Variants in PREP observed in about 807,000 individuals in gnomAD.
PREP encodes dJ355L5.1 (prolyl endopeptidase).
In PREP, 29 loss-of-function variants were observed where a neutral mutation model predicts 87.6. That is an observed-to-expected ratio of 0.33 (90% CI 0.25 to 0.45). The LOEUF is 0.45. PREP is among the 20% of genes least tolerant of loss of function. The pLI, the probability that PREP is intolerant of heterozygous loss-of-function variation, is 1.00. For missense variants in PREP, 695 were observed against 886.5 expected (o/e 0.78, Z 2.74); for synonymous variants, 337 against 328.6 (o/e 1.03, Z -0.28).
In PREP at chr6:105,402,896, G is replaced by T; in HGVS notation, c.-5C>A. 6.6e-7 allele frequency: 1 copy of T among 1,517,900 alleles called. No individual in the cohort carries two copies. The highest frequency in any genetic ancestry group is 2.5e-5 in the East Asian group (1 of 40,540). 94.0% of individuals were successfully genotyped at this position (1,517,900 alleles called of 1,614,324 possible). On this transcript the variant is annotated 5_prime_UTR_variant, in exon 1 of 15. Coordinates refer to ENST00000652536, the MANE Select transcript of PREP (RefSeq NM_002726.5). ...GGGGTACTGAAGGGACAGCATGGCC[G>T]GGGACAGGCAGGGGGCAGCGTGGAG...
chr6:105,384,047 C>A (rs1772920444), intron 2 of PREP, among the ~76,000 whole-genome samples: 1 of 152,182 alleles, frequency 6.6e-6, no homozygotes, highest in South Asian at 2.1e-4. Flanking sequence ...CATTAAGTTT[C>A]ATGGGATGTG....
In PREP at chr6:105,376,209, A is replaced by G. The variant is rs765118062; in HGVS notation, c.301T>C (p.Tyr101His). 22 of 1,613,676 alleles carry G rather than the reference A, an allele frequency of 1.4e-5. No homozygotes were observed. Among genetic ancestry groups the G allele is most frequent in the Admixed American group, 8.3e-5 (5 of 59,980 alleles). Residue 101 changes from tyrosine to histidine, a missense_variant, in exon 4 of 15, where the codon TAT becomes CAT. By Grantham distance (83) the Tyr-to-His change is moderately conservative. Around this residue, in one of 5 missense-constraint regions of PREP, gnomAD observed 517 missense variants for 620.3 expected, o/e 0.83. Coordinates refer to ENST00000652536, the MANE Select transcript of PREP (RefSeq NM_002726.5). Reference sequence around the variant, plus strand: ...TCACCCTCTAAGGAATCCTGTACATATAATACTCGCTGGTTCTGCAAACCT... The same window carrying G: ...TCACCCTCTAAGGAATCCTGTACATGTAATACTCGCTGGTTCTGCAAACCT... ...NTGLQNQRVL[Y>H]VQDSLEGEAR...
At position 105,352,981 on chromosome 6, in the gene PREP, C is replaced by T; in HGVS notation, c.814G>A (p.Gly272Ser). 6.2e-7 allele frequency: 1 copy of T among 1,612,700 alleles called. No individual in the cohort carries two copies. The highest frequency in any genetic ancestry group is 8.5e-7 in the Non-Finnish European group (1 of 1,178,842). ...TGAAAAAATAACTCACCCGCGATGC[C>T]ACTGGATTCCTGCTGTAGGTCACAG... Reference protein sequence around the residue: ...WYCDLQQESSGIAGILKWVKL... With the variant: ...WYCDLQQESSSIAGILKWVKL... The change falls in exon 7 of 15, where the codon GGC (glycine) becomes AGC (serine). Residue 272 changes from glycine (G) to serine (S), a missense_variant. By Grantham distance (56) the Gly-to-Ser change is moderately conservative. Transcript: ENST00000652536.
chr6:105,393,523 A>G (rs1773213092), intron 2 of PREP, among the ~76,000 whole-genome samples: 1 of 152,228 alleles, frequency 6.6e-6, no homozygotes, highest in African/African-American at 2.4e-5. Flanking sequence ...CTCTGAAGCA[A>G]ATCTAACGCT....
intron 2 of PREP, among the ~76,000 whole-genome samples, chr6:105,382,408 A>G (rs1444143917): frequency 6.6e-6 from 1 of 152,160 alleles, no homozygotes; most frequent in Non-Finnish European, 1.5e-5. Flanking sequence ...ACACCTAAAT[A>G]TATACAATTT....
At chr6:105,385,835 T>A (rs1215404761) in intron 2 of PREP, among the ~76,000 whole-genome samples, 1 of 152,126 alleles carries the variant, frequency 6.6e-6, no homozygotes, top group Non-Finnish European at 1.5e-5. Flanking sequence ...CACGACCAAT[T>A]GTCAGACTGG....
At chr6:105,382,734 G>A (rs538198203) in intron 2 of PREP, among the ~76,000 whole-genome samples, 3 of 152,356 alleles carry the variant, frequency 2.0e-5, no homozygotes, top group Non-Finnish European at 4.4e-5. Context: ...GCTGGGGCAA[G>A]TGCCATTGGC....
intron 1 of PREP, among the ~76,000 whole-genome samples, chr6:105,402,441 C>CACACACACACAA (rs1296204531): frequency 1.3e-5 from 2 of 150,804 alleles, no homozygotes; most frequent in African/African-American, 4.9e-5. Context: ...CACACACACA[C>CACACACACACAA]ACACACAAAC....
chr6:105,355,582 T>C (rs1478725210), intron 6 of PREP, among the ~76,000 whole-genome samples: 1 of 152,234 alleles, frequency 6.6e-6, no homozygotes, highest in East Asian at 1.9e-4. Context: ...GGCTTTGATG[T>C]AGTACCCTGC....
chr6:105,333,003 A>G (rs957672730), intron 8 of PREP, among the ~76,000 whole-genome samples: 1 of 152,254 alleles, frequency 6.6e-6, no homozygotes, highest in Non-Finnish European at 1.5e-5. Context: ...TTAAATGTTC[A>G]TGATTATTAC....
rs985093978 is a variant in PREP at position 105,355,028 on chromosome 6, T to C, written c.718-1951A>G. ...TATGGAATTATGTAGTATATTATGA[T>C]AAATGCCATGGAAAACATGAACAGG... On this transcript the variant is annotated intron_variant, in intron 6 of 14. Coordinates refer to ENST00000652536, the MANE Select transcript of PREP (RefSeq NM_002726.5). 2.0e-5 allele frequency among the ~76,000 whole-genome samples: 3 copies of C among 151,398 alleles called. No individual in the cohort carries two copies. The South Asian group carries it at 6.3e-4, about 32-fold the overall frequency.
intron 5 of PREP, among the ~76,000 whole-genome samples, chr6:105,372,378 T>C (rs1208273435): frequency 6.6e-6 from 1 of 152,180 alleles, no homozygotes; most frequent in African/African-American, 2.4e-5. Context: ...TCCTAATCTC[T>C]AACACAGGGA....
At chr6:105,290,474 T>C (rs140924510) in intron 10 of PREP, among the ~76,000 whole-genome samples, 235 of 151,892 alleles carry the variant, frequency 1.5e-3, no homozygotes, top group African/African-American at 5.3e-3. Context: ...TCTCATCTAG[T>C]TTCAAATCCA....
At chr6:105,376,582 A>C (rs1456680922) in intron 3 of PREP, among the ~76,000 whole-genome samples, 1 of 152,252 alleles carries the variant, frequency 6.6e-6, no homozygotes, top group Non-Finnish European at 1.5e-5. Flanking sequence ...AATGAAGAAG[A>C]AAGCAGACTT....
chr6:105,391,938 A>C (rs1160266782), intron 2 of PREP, among the ~76,000 whole-genome samples: 17 of 152,176 alleles, frequency 1.1e-4, no homozygotes. Flanking sequence ...GTACGGCAAG[A>C]CTGCACCAAA....
intron 10 of PREP, among the ~76,000 whole-genome samples, chr6:105,315,555 GC>G (rs1770845110): frequency 1.3e-5 from 2 of 152,158 alleles, no homozygotes; most frequent in Admixed American, 6.5e-5. Flanking sequence ...AGCTGCATTA[GC>G]CCCTAATAGA....
At chr6:105,283,693 G>A (rs1000545301) in intron 12 of PREP, among the ~76,000 whole-genome samples, 3 of 152,138 alleles carry the variant, frequency 2.0e-5, no homozygotes, top group Non-Finnish European at 4.4e-5. Flanking sequence ...TCATATCCTA[G>A]GCTATAACTG....
chr6:105,302,707 G>A (rs1770565726), intron 10 of PREP: 3 of 507,902 alleles, frequency 5.9e-6, no homozygotes, highest in South Asian at 1.6e-5. Flanking sequence ...CTTGGAGACC[G>A]CGCCGCCTGT....
At chr6:105,284,994 G>C (rs1416258435) in intron 12 of PREP, among the ~76,000 whole-genome samples, 1 of 152,232 alleles carries the variant, frequency 6.6e-6, no homozygotes, top group African/African-American at 2.4e-5. Context: ...CCTCAGCAAT[G>C]CCGGGAAGAT....
Sources: allele counts gnomAD v4.1 joint callset (sites outside exome capture counted in the v4.1 genomes callset), GRCh38; gene constraint gnomAD v4.1.1; regional missense constraint gnomAD v4.1.1; transcripts MANE v1.5; gene names NCBI Gene and HGNC (gene_info 2026-07-23, HGNC 2026-07-21).